VPS41: variants seen among roughly 807,000 people sequenced by gnomAD.
VPS41 encodes vacuolar protein sorting-associated protein 41 homolog.
Under a neutral mutation model 130.9 loss-of-function variants are expected in VPS41, and 85 were observed. The ratio of observed to expected loss-of-function variants is 0.65; its 90% CI spans 0.55 to 0.78. The LOEUF (loss-of-function observed/expected upper bound fraction) is 0.78. Among genes scored for constraint, VPS41 ranks in the 30% least tolerant of loss-of-function variants. VPS41 has a pLI of 0.00. For missense variants in VPS41, 874 were observed against 1,018.7 expected (o/e 0.86, Z 1.93); for synonymous variants, 335 against 332.9 (o/e 1.01, Z -0.07).
In VPS41 at chr7:38,858,944, T is replaced by C. The variant is rs914713001; in HGVS notation, c.246+3601A>G. On this transcript the variant is annotated intron_variant, in intron 4 of 28. Coordinates refer to ENST00000310301, the MANE Select transcript of VPS41 (RefSeq NM_014396.4). ...TTCTGGAGGTATCAAGAAGAAGGCA[T>C]TGTTATCACAGGAGATGACAGCTCC... is the stretch of plus-strand genomic sequence containing the variant. Among the ~76,000 whole-genome samples, 38 of 152,144 alleles carry C rather than the reference T, an allele frequency of 2.5e-4. 1 individual carries two copies. Among genetic ancestry groups the C allele is most frequent in the African/African-American group, 7.2e-5 (3 of 41,440 alleles).
chr7:38,781,948 T>C (rs1244370461), intron 10 of VPS41, among the ~76,000 whole-genome samples: 1 of 152,242 alleles, frequency 6.6e-6, no homozygotes, highest in Non-Finnish European at 1.5e-5. Flanking sequence ...TTCTTAAAAC[T>C]TATTATGGAT....
chr7:38,867,679 C>A lies in VPS41; in HGVS notation c.168+1467G>T, dbSNP rs533276072. 8.5e-5 allele frequency among the ~76,000 whole-genome samples: 13 copies of A among 152,260 alleles called. No homozygotes were observed. In the East Asian group the frequency reaches 2.5e-3, roughly 29 times the overall value. On this transcript the variant is annotated intron_variant, in intron 3 of 28. Coordinates refer to ENST00000310301, the MANE Select transcript of VPS41 (RefSeq NM_014396.4). Reference sequence around the variant, plus strand: ...TCTTCTTACATAGAAATGACATCATCCTCTAAGAAAGAAGGGACAATGGTT... The same window carrying A: ...TCTTCTTACATAGAAATGACATCATACTCTAAGAAAGAAGGGACAATGGTT...
intron 17 of VPS41, among the ~76,000 whole-genome samples, chr7:38,760,563 T>A (rs1485956491): frequency 1.5e-5 from 2 of 130,650 alleles, no homozygotes; most frequent in East Asian, 3.9e-4. Flanking sequence ...TCCCCCTACT[T>A]ATTTATTTAT....
At position 38,909,148 on chromosome 7, in the gene VPS41, C is replaced by T. The variant is rs372508963; in HGVS notation, c.21+6G>A. The T allele has an allele frequency of 6.2e-7, 1 of 1,614,244 alleles. No individual in the cohort carries two copies. The highest frequency in any genetic ancestry group is 8.5e-7 in the Non-Finnish European group (1 of 1,180,028). ...TGTGCCCTCAACTACCACCTGCACC[C>T]TTTACCTGCTCCTCTGCTTCCGCCA... On this transcript the variant is annotated splice_donor_region_variant and intron_variant, in intron 1 of 28. Transcript: ENST00000310301.
In VPS41 at chr7:38,774,244, C is replaced by A; in HGVS notation, c.883G>T (p.Glu295Ter). ...CTAGGCCTGGCACAGTATTCTCTTT[C>A]CTAGTGGGGGAAAAGAGAGAAACAT... ...SYVKEISEKT[E>*]REYCARPRLD... The change falls in exon 12 of 29, where the codon GAA becomes TAA. Residue 295 changes from glutamate (E) to a stop codon, truncating the protein, a stop_gained and splice_region_variant. Coordinates refer to ENST00000310301, the MANE Select transcript of VPS41 (RefSeq NM_014396.4). LOFTEE classifies it high-confidence loss of function. 1 of 1,567,730 alleles carries A rather than the reference C, an allele frequency of 6.4e-7. No homozygotes were observed. The highest frequency in any genetic ancestry group is 8.7e-7 in the Non-Finnish European group (1 of 1,155,208).
intron 2 of VPS41, among the ~76,000 whole-genome samples, chr7:38,871,818 T>A (rs1006353936): frequency 1.3e-5 from 2 of 152,208 alleles, no homozygotes; most frequent in African/African-American, 4.8e-5. Flanking sequence ...ACTTGCTGAT[T>A]TACTTACTTT....
intron 7 of VPS41, among the ~76,000 whole-genome samples, chr7:38,806,616 T>C (rs993272317): frequency 6.6e-6 from 1 of 152,126 alleles, no homozygotes; most frequent in Non-Finnish European, 1.5e-5. Flanking sequence ...CCAATGAAGG[T>C]CAGAAAGAAC....
At chr7:38,838,298 T>C (rs904890254) in intron 4 of VPS41, among the ~76,000 whole-genome samples, 3 of 152,086 alleles carry the variant, frequency 2.0e-5, no homozygotes, top group African/African-American at 7.2e-5. Context: ...GAGGGAAACC[T>C]TCTAGTACAG....
chr7:38,843,045 T>C (rs545925146), intron 4 of VPS41, among the ~76,000 whole-genome samples: 8 of 152,124 alleles, frequency 5.3e-5, no homozygotes, highest in Non-Finnish European at 7.4e-5. Context: ...AATACATAAA[T>C]AAACAAAAGC....
intron 4 of VPS41, among the ~76,000 whole-genome samples, chr7:38,860,948 C>T (rs1786097206): frequency 6.6e-6 from 1 of 151,900 alleles, no homozygotes; most frequent in Admixed American, 6.6e-5. Context: ...CTATCTTCCT[C>T]CCTTGCCAAA....
chr7:38,882,482 C>G (rs1485106585), intron 2 of VPS41, among the ~76,000 whole-genome samples: 1 of 152,198 alleles, frequency 6.6e-6, no homozygotes, highest in Admixed American at 6.5e-5. Context: ...TGAACACCAT[C>G]TAAATGCTGA....
At chr7:38,817,794 A>G (rs1562597318) in intron 7 of VPS41, 23 bp downstream of exon 7, 4 of 1,603,744 alleles carry the variant, frequency 2.5e-6, no homozygotes, top group Non-Finnish European at 3.4e-6. Flanking sequence ...CTACATATCA[A>G]GGTAGAGACA....
intron 25 of VPS41, among the ~76,000 whole-genome samples, chr7:38,739,107 T>C (rs1795829956): frequency 6.6e-6 from 1 of 152,194 alleles, no homozygotes; most frequent in Non-Finnish European, 1.5e-5. Flanking sequence ...ATTGTCAATC[T>C]CCCTTTAGAG....
intron 17 of VPS41, 100 bp from the exon 18 acceptor site, chr7:38,758,581 T>C: frequency 8.4e-7 from 1 of 1,189,810 alleles, no homozygotes; most frequent in Non-Finnish European, 1.2e-6. Flanking sequence ...TTTCCTGGCA[T>C]ATAACTCTCA....
chr7:38,886,028 G>A (rs943381170), intron 2 of VPS41, among the ~76,000 whole-genome samples: 5 of 151,928 alleles, frequency 3.3e-5, no homozygotes, highest in African/African-American at 4.8e-5. Flanking sequence ...ACGAAGAGTC[G>A]TCACTTCCAA....
chr7:38,871,054 T>A (rs889671914), intron 2 of VPS41, among the ~76,000 whole-genome samples: 2 of 152,064 alleles, frequency 1.3e-5, no homozygotes, highest in African/African-American at 4.8e-5. Context: ...TACTTTTCAT[T>A]ACAGTCCCAG....
chr7:38,834,765 T>G (rs1785458966), intron 4 of VPS41, among the ~76,000 whole-genome samples: 1 of 151,960 alleles, frequency 6.6e-6, no homozygotes, highest in African/African-American at 2.4e-5. Flanking sequence ...ATTTCTTAAA[T>G]TTTGAGATTT....
intron 19 of VPS41, among the ~76,000 whole-genome samples, chr7:38,755,902 T>C (rs1328001247): frequency 6.6e-6 from 1 of 152,124 alleles, no homozygotes; most frequent in Non-Finnish European, 1.5e-5. Context: ...CTGAACTTCC[T>C]TGGAGCTACG....
chr7:38,766,281 C>A (rs1201978449), intron 15 of VPS41, among the ~76,000 whole-genome samples: 1 of 152,216 alleles, frequency 6.6e-6, no homozygotes, highest in African/African-American at 2.4e-5. Context: ...ACCCCTCACA[C>A]AGACTTGCAC....
Sources: allele counts gnomAD v4.1 joint callset (sites outside exome capture counted in the v4.1 genomes callset), GRCh38; gene constraint gnomAD v4.1.1; transcripts MANE v1.5; gene names NCBI Gene and HGNC (gene_info 2026-07-23, HGNC 2026-07-21).